The following PHF3 variants were observed in gnomAD, a reference collection of about 807,000 sequenced individuals.
The protein encoded by PHF3 is PHD finger protein 3.
Under a neutral mutation model 178.4 loss-of-function variants are expected in PHF3, and 41 were observed. The observed-to-expected ratio is 0.23, with a 90% confidence interval of 0.18 to 0.30. The LOEUF is 0.30. Ranked by LOEUF, PHF3 falls within the 10% of genes least tolerant of loss-of-function variation. The pLI is 1.00. For synonymous variants in PHF3, 842 were observed against 800.5 expected, an observed-to-expected ratio of 1.05 and a Z score of -0.88; for missense variants, 2,346 against 2,398.1, an observed-to-expected ratio of 0.98 and a Z score of 0.45.
chr6:63,642,701 G>A (rs1764625232), intron 1 of PHF3, among the ~76,000 whole-genome samples: 1 of 152,116 alleles, frequency 6.6e-6, no homozygotes, highest in South Asian at 2.1e-4. Flanking sequence ...TAGAATGCCA[G>A]TAGATGGGCT....
At chr6:63,657,953 G>A (rs1455273584) in intron 2 of PHF3, among the ~76,000 whole-genome samples, 3 of 152,146 alleles carry the variant, frequency 2.0e-5, no homozygotes, top group African/African-American at 7.2e-5. Flanking sequence ...AGGGTGAGAA[G>A]TACCTTATCA....
rs1679752561 is a variant in PHF3 at position 63,721,195 on chromosome 6, T to G, written c.*7487T>G. On this transcript the variant is annotated 3_prime_UTR_variant, in exon 16 of 16. Transcript: ENST00000262043. ...AATGAAGTTTTGTTTTCACAATACC[T>G]TCCCACCCAACCCAAAGTACACAGG... is the stretch of plus-strand genomic sequence containing the variant. 1.3e-6 allele frequency: 2 copies of G among 1,551,676 alleles called. No individual in the cohort carries two copies. Among genetic ancestry groups the G allele is most frequent in the African/African-American group, 1.4e-5 (1 of 73,164 alleles).
chr6:63,711,552 T>G lies in PHF3; in HGVS notation c.3998-34T>G, dbSNP rs1767925955. ...TACCTTTTTTTGCAATGATTGAAAA[T>G]GATGAATTAATTGATGTTTTTGGTT... On this transcript the variant is annotated intron_variant, in intron 15 of 15. Transcript: ENST00000262043. 4.0e-6 allele frequency: 6 copies of G among 1,514,262 alleles called. No individual in the cohort carries two copies. The South Asian group carries it at 5.2e-5, about 13-fold the overall frequency. 93.8% of individuals were successfully genotyped at this position (1,514,262 alleles called of 1,614,324 possible). A position where few individuals can be genotyped will look rare whatever the true frequency, so the allele number is the denominator to read the frequency against.
chr6:63,646,506 A>AT (rs745915906), intron 1 of PHF3, 21 bp from the exon 2 acceptor site: 57 of 1,507,718 alleles, frequency 3.8e-5, no homozygotes, highest in South Asian at 6.3e-5. Flanking sequence ...TTCTTATGGT[A>AT]TTTTTTTTGT....
At chr6:63,641,491 G>A (rs1452295532) in intron 1 of PHF3, among the ~76,000 whole-genome samples, 1 of 150,066 alleles carries the variant, frequency 6.7e-6, no homozygotes, top group East Asian at 2.0e-4. Flanking sequence ...AACCTCTTTG[G>A]CCTTTGATAG....
In PHF3 at chr6:63,716,066, T is replaced by G. The variant is rs1322088896; in HGVS notation, c.*2358T>G. Among the ~76,000 whole-genome samples, 5 of 152,136 alleles carry G rather than the reference T, an allele frequency of 3.3e-5. No individual in the cohort carries two copies. The highest frequency in any genetic ancestry group is 7.4e-5 in the Non-Finnish European group (5 of 68,004). ...CTCAGTACCTGTAAAGTTCACCCCA[T>G]GTAATCTTTGTGGCAATCAGAAAGC... On this transcript the variant is annotated 3_prime_UTR_variant, in exon 16 of 16. Coordinates refer to ENST00000262043, the MANE Select transcript of PHF3 (RefSeq NM_001370348.2).
rs1768153333 is a variant in PHF3 at position 63,715,323 on chromosome 6, G to C, written c.*1615G>C. 1 of 151,966 alleles carries C rather than the reference G, an allele frequency of 6.6e-6. No homozygotes were observed. The highest frequency in any genetic ancestry group is 1.5e-5 in the Non-Finnish European group (1 of 67,982). 9.4% of individuals were successfully genotyped at this position (151,966 alleles called of 1,614,324 possible). A position where few individuals can be genotyped will look rare whatever the true frequency, so the allele number is the denominator to read the frequency against. The stretch of plus-strand genomic sequence containing the variant: ...TTAACTTTGGTCCACTTTTCTTTTG[G>C]AAATTAACTTGTTAGAAAACAAAGT... On this transcript the variant is annotated 3_prime_UTR_variant, in exon 16 of 16. Transcript: ENST00000262043.
At chr6:63,649,153 G>T (rs771415833) in intron 2 of PHF3, among the ~76,000 whole-genome samples, 65 of 151,204 alleles carry the variant, frequency 4.3e-4, no homozygotes, top group Admixed American at 1.1e-3. Flanking sequence ...ATATTGCCCA[G>T]GCTGGTCTCT....
intron 11 of PHF3, among the ~76,000 whole-genome samples, chr6:63,704,222 T>C (rs1582111459): frequency 6.6e-6 from 1 of 152,170 alleles, no homozygotes; most frequent in Admixed American, 6.5e-5. Flanking sequence ...GTTACTACAG[T>C]TGACAAACCT....
At chr6:63,642,433 A>C (rs1001798955) in intron 1 of PHF3, among the ~76,000 whole-genome samples, 1 of 152,210 alleles carries the variant, frequency 6.6e-6, no homozygotes, top group African/African-American at 2.4e-5. Context: ...AGATGGGTTC[A>C]TTTCACTAGA....
chr6:63,643,096 A>G (rs1393956881), intron 1 of PHF3, among the ~76,000 whole-genome samples: 1 of 151,878 alleles, frequency 6.6e-6, no homozygotes, highest in African/African-American at 2.4e-5. Context: ...TAAATTACAG[A>G]CTTTATTCTG....
chr6:63,653,748 T>C (rs866375888), intron 2 of PHF3, among the ~76,000 whole-genome samples: 28 of 152,196 alleles, frequency 1.8e-4, no homozygotes, highest in African/African-American at 6.5e-4. Flanking sequence ...CTTTCCCCCA[T>C]TTAGTATGAT....
chr6:63,689,723 G>T (rs556763621), intron 4 of PHF3, among the ~76,000 whole-genome samples: 5 of 151,956 alleles, frequency 3.3e-5, no homozygotes, highest in African/African-American at 9.7e-5. Context: ...TAAATTTCAC[G>T]ATCATCAAAC....
At chr6:63,698,409 T>C in intron 7 of PHF3, 40 bp from the exon 8 acceptor site, 3 of 1,585,108 alleles carry the variant, frequency 1.9e-6, no homozygotes, top group Non-Finnish European at 2.6e-6. Flanking sequence ...TAATTATGCT[T>C]TATACATTTG....
rs1241413841 is a variant in PHF3, at chr6:63,718,658, T to G, written c.*4950T>G. Reference sequence around the variant, plus strand: ...AAAATCTGGCTATATGTGCATTTGTTTTTGGGAAAGGGAGGACTCTGGATT... The same window carrying G: ...AAAATCTGGCTATATGTGCATTTGTGTTTGGGAAAGGGAGGACTCTGGATT... On this transcript the variant is annotated 3_prime_UTR_variant, in exon 16 of 16. Coordinates refer to ENST00000262043, the MANE Select transcript of PHF3 (RefSeq NM_001370348.2). Among the ~76,000 whole-genome samples the G allele has an allele frequency of 6.6e-5, 10 of 151,986 alleles. No homozygotes were observed. Among genetic ancestry groups the G allele is most frequent in the Admixed American group, 6.6e-4 (10 of 15,208 alleles).
intron 2 of PHF3, among the ~76,000 whole-genome samples, chr6:63,659,484 G>T (rs1765375911): frequency 1.3e-5 from 2 of 152,070 alleles, no homozygotes; most frequent in Non-Finnish European, 2.9e-5. Context: ...TATAAAGGAA[G>T]TTGAAAAAAT....
At position 63,720,777 on chromosome 6, in the gene PHF3, C is replaced by G. The variant is rs1768347690; in HGVS notation, c.*7069C>G. The G allele has an allele frequency of 6.4e-7, 1 of 1,550,670 alleles. No individual in the cohort carries two copies. ...ACCATATTCAAAGCCCCCTAGATAA[C>G]AAATGCCATCATAGTTTAGAGCCAC... On this transcript the variant is annotated 3_prime_UTR_variant, in exon 16 of 16. Transcript: ENST00000262043.
chr6:63,693,541 A>G (rs148622469), intron 5 of PHF3, among the ~76,000 whole-genome samples: 1,813 of 152,318 alleles, frequency 0.012, 31 homozygotes, highest in African/African-American at 0.042. Context: ...CTTGAACCTG[A>G]CGGAGGTTGT....
At chr6:63,679,719 A>G (rs1255647017) in intron 2 of PHF3, 4 of 433,034 alleles carry the variant, frequency 9.2e-6, no homozygotes, top group Non-Finnish European at 1.4e-5. Context: ...AGGGGTCAGC[A>G]AGTAATAAAT....
Sources: allele counts gnomAD v4.1 joint callset (sites outside exome capture counted in the v4.1 genomes callset), GRCh38; gene constraint gnomAD v4.1.1; transcripts MANE v1.5; gene names NCBI Gene and HGNC (gene_info 2026-07-23, HGNC 2026-07-21).